SH3GL1: variants seen among roughly 807,000 people sequenced by gnomAD.
The protein encoded by SH3GL1 is SH3 domain containing GRB2 like 1, endophilin A2, also known as endophilin-A2.
In SH3GL1, 21 loss-of-function variants were observed where a neutral mutation model predicts 48.8. That is an observed-to-expected ratio of 0.43 (90% CI 0.30 to 0.62). The LOEUF (loss-of-function observed/expected upper bound fraction) is 0.62. Among genes scored for constraint, SH3GL1 ranks in the 20% least tolerant of loss-of-function variants. The pLI is 0.11. For missense variants in SH3GL1, 454 were observed against 503.0 expected (o/e 0.90, Z 0.93); for synonymous variants, 282 against 217.5 (o/e 1.30, Z -2.61).
chr19:4,364,916 A>ATATTTTTTTTTT (rs1450528018), intron 4 of SH3GL1, among the ~76,000 whole-genome samples: 1 of 116,212 alleles, frequency 8.6e-6, no homozygotes, highest in African/African-American at 3.8e-5. Flanking sequence ...ATATATATAT[A>ATATTTTTTTTTT]TTTTTTTTTT....
At position 4,360,496 on chromosome 19, in the gene SH3GL1, A is replaced by G. The variant is rs1206253566; in HGVS notation, c.*1104T>C. 3.0e-5 allele frequency: 7 copies of G among 232,874 alleles called. No homozygotes were observed. The highest frequency in any genetic ancestry group is 4.2e-5 in the Non-Finnish European group (5 of 117,960). The allele number at this position is 232,874 out of a possible 1,614,324, so 14.4% of individuals were successfully genotyped here. ...CATGTACTTCTGACGAGGGGGGTGC[A>G]GGGCAGGGCAGAGCAGAGCCTGGGG... is the stretch of plus-strand genomic sequence containing the variant. On this transcript the variant is annotated 3_prime_UTR_variant, in exon 10 of 10. Transcript: ENST00000269886.
At position 4,363,380 on chromosome 19, in the gene SH3GL1, GCTT is replaced by G. The variant is rs2144858293; in HGVS notation, c.715_717del (p.Lys239del). The G allele has an allele frequency of 6.2e-7, 1 of 1,604,606 alleles. No homozygotes were observed. The highest frequency in any genetic ancestry group is 8.5e-7 in the Non-Finnish European group (1 of 1,176,218). On this transcript the variant is annotated inframe_deletion, in exon 7 of 10. Coordinates refer to ENST00000269886, the MANE Select transcript of SH3GL1 (RefSeq NM_003025.4). Reference sequence around the variant, plus strand: ...AGGCCCTGGGCTCACCTGCGCTTGAGCTTCTCCGCCAGCTCGTCCAGGATCTGC... The same window carrying G: ...AGGCCCTGGGCTCACCTGCGCTTGAGCTCCGCCAGCTCGTCCAGGATCTGC...
chr19:4,382,288 C>T (rs1334427126), intron 1 of SH3GL1, among the ~76,000 whole-genome samples: 14 of 119,832 alleles, frequency 1.2e-4, no homozygotes, highest in Non-Finnish European at 2.0e-4. Context: ...GACGGAGTCT[C>T]GCTCTGTCAC....
intron 1 of SH3GL1, among the ~76,000 whole-genome samples, chr19:4,379,676 C>G (rs1973081527): frequency 6.6e-6 from 1 of 152,028 alleles, no homozygotes; most frequent in Admixed American, 6.6e-5. Context: ...ATGTCCCGCC[C>G]TCCCTGCACC....
intron 1 of SH3GL1, among the ~76,000 whole-genome samples, chr19:4,368,015 G>A (rs1972819606): frequency 6.6e-6 from 1 of 152,268 alleles, no homozygotes; most frequent in South Asian, 2.1e-4. Context: ...GCTTGGCCCT[G>A]CCCTCTGGGG....
Position 4,363,476 on chromosome 19 carries a change from G to T in SH3GL1, c.625-3C>A. The stretch of plus-strand genomic sequence containing the variant: ...GAGAGCTGACTCACCTGCTCGATCT[G>T]TGGGGACAGTAGGGCTCAGGGGCTC... On this transcript the variant is annotated splice_region_variant and splice_polypyrimidine_tract_variant and intron_variant, in intron 6 of 9. Transcript: ENST00000269886. 1 of 1,610,658 alleles carries T rather than the reference G, an allele frequency of 6.2e-7. No individual in the cohort carries two copies. Among genetic ancestry groups the T allele is most frequent in the Non-Finnish European group, 8.5e-7 (1 of 1,178,438 alleles).
intron 1 of SH3GL1, among the ~76,000 whole-genome samples, chr19:4,392,009 C>CCCTTCCT (rs1446550532): frequency 1.3e-5 from 2 of 152,248 alleles, no homozygotes; most frequent in Non-Finnish European, 2.9e-5. Context: ...AAAGCAAAGT[C>CCCTTCCT]CCTTCCTACA....
At chr19:4,369,764 C>T (rs1314613618) in intron 1 of SH3GL1, among the ~76,000 whole-genome samples, 1 of 152,384 alleles carries the variant, frequency 6.6e-6, no homozygotes, top group East Asian at 1.9e-4. Flanking sequence ...CCCTAACTAC[C>T]CGGGTCCCTC....
chr19:4,395,006 G>A (rs1419145927), intron 1 of SH3GL1, among the ~76,000 whole-genome samples: 5 of 152,270 alleles, frequency 3.3e-5, no homozygotes, highest in Non-Finnish European at 5.9e-5. Context: ...GGCTGACAGC[G>A]CTGATGGGCG....
chr19:4,380,884 G>A (rs144181333), intron 1 of SH3GL1, among the ~76,000 whole-genome samples: 1 of 152,276 alleles, frequency 6.6e-6, no homozygotes, highest in East Asian at 1.9e-4. Flanking sequence ...GTTCCACAGA[G>A]TGTCACAGCC....
At chr19:4,386,501 CTT>C (rs960946256) in intron 1 of SH3GL1, among the ~76,000 whole-genome samples, 4 of 130,796 alleles carry the variant, frequency 3.1e-5, no homozygotes, top group Admixed American at 7.6e-5. Context: ...TTCTTTTTCA[CTT>C]TTTTTTTTTT....
At chr19:4,382,846 C>T (rs1206419665) in intron 1 of SH3GL1, among the ~76,000 whole-genome samples, 2 of 152,214 alleles carry the variant, frequency 1.3e-5, no homozygotes, top group African/African-American at 4.8e-5. Flanking sequence ...AGGGGAAACA[C>T]ACAGCTAGGT....
rs770471197 is a variant in SH3GL1, at chr19:4,364,072, G to C, written c.465+16C>G. ...AGGGGGAAGGGACAGGCCCCAGGCTGGCGCAGGAGCAGCACCTGGATCTCC... is the reference window on the plus strand; with the variant it reads ...AGGGGGAAGGGACAGGCCCCAGGCTCGCGCAGGAGCAGCACCTGGATCTCC... On this transcript the variant is annotated intron_variant, in intron 5 of 9. Transcript: ENST00000269886. 2 of 1,611,816 alleles carry C rather than the reference G, an allele frequency of 1.2e-6. No homozygotes were observed. The highest frequency in any genetic ancestry group is 1.3e-5 in the African/African-American group (1 of 75,002).
Position 4,362,355 on chromosome 19 carries a change from G to A in SH3GL1, c.884C>T (p.Pro295Leu). ...CATGCTCCGGCTAGGGGTCCGGATG[G>A]GCTTGTCGGAAGATCGGAAAGACGA... Reference protein sequence around the residue: ...ASSSFRSSDKPIRTPSRSMPP... With the variant: ...ASSSFRSSDKLIRTPSRSMPP... The change falls in exon 9 of 10, where the codon CCC (proline) becomes CTC (leucine). Residue 295 changes from proline (P) to leucine (L), a missense_variant. Physicochemically the swap from Pro to Leu is moderately conservative, Grantham distance 98 (BLOSUM62 -3). This residue lies in a region of SH3GL1 where 278 missense variants were observed against 246.8 expected (regional missense o/e 1.13). Transcript: ENST00000269886. The A allele has an allele frequency of 6.2e-7, 1 of 1,612,340 alleles. No individual in the cohort carries two copies. The highest frequency in any genetic ancestry group is 8.5e-7 in the Non-Finnish European group (1 of 1,179,200).
In SH3GL1 at chr19:4,364,117, G is replaced by C. The variant is rs147973938; in HGVS notation, c.436C>G (p.Leu146Val). 1.9e-6 allele frequency: 3 copies of C among 1,613,562 alleles called. No homozygotes were observed. In the African/African-American group the frequency reaches 4.0e-5, roughly 22 times the overall value. Residue 146 changes from leucine (L) to valine (V), a missense_variant, in exon 5 of 10, where the codon CTG (leucine) becomes GTG (valine). Physicochemically the swap from Leu to Val is conservative, Grantham distance 32. Around this residue, in one of 2 missense-constraint regions of SH3GL1, gnomAD observed 176 missense variants for 256.2 expected, o/e 0.69. Coordinates refer to ENST00000269886, the MANE Select transcript of SH3GL1 (RefSeq NM_003025.4). ...ATCTCCTTCAGGTCTTTCTCGCACA[G>C]GTTCTGGAGGGGGTCAATGAAGTTC... is the stretch of plus-strand genomic sequence containing the variant. ...KQNFIDPLQN[L>V]CEKDLKEIQH...
rs2144852307 is a variant in SH3GL1 at position 4,361,525 on chromosome 19, T to G, written c.*75A>C. The G allele has an allele frequency of 8.4e-7, 1 of 1,183,898 alleles. No individual in the cohort carries two copies. Among genetic ancestry groups the G allele is most frequent in the Non-Finnish European group, 1.2e-6 (1 of 836,186 alleles). 73.3% of individuals were successfully genotyped at this position (1,183,898 alleles called of 1,614,324 possible). On this transcript the variant is annotated 3_prime_UTR_variant, in exon 10 of 10. Transcript: ENST00000269886. ...CAGACACCGCCCTGGCAGCAGGGGCTCCGTGGAATGCAGGAGACCCAGCAG... is the reference window on the plus strand; with the variant it reads ...CAGACACCGCCCTGGCAGCAGGGGCGCCGTGGAATGCAGGAGACCCAGCAG...
chr19:4,383,273 G>A (rs1973172033), intron 1 of SH3GL1, among the ~76,000 whole-genome samples: 1 of 151,036 alleles, frequency 6.6e-6, no homozygotes, highest in African/African-American at 2.4e-5. Flanking sequence ...AGAGTGCAGT[G>A]GCGTGATCAT....
chr19:4,361,370 C>A lies in SH3GL1; in HGVS notation c.*230G>T. 1 of 540,200 alleles carries A rather than the reference C, an allele frequency of 1.9e-6. No homozygotes were observed. Among genetic ancestry groups the A allele is most frequent in the Non-Finnish European group, 3.3e-6 (1 of 304,898 alleles). The allele number at this position is 540,200 out of a possible 1,614,324, so 33.5% of individuals were successfully genotyped here. The stretch of plus-strand genomic sequence containing the variant: ...GGCGCCATGGAGTGGGGAAGGGAGC[C>A]GTCACCGTTGGGAGTCAGCGCTAGT... On this transcript the variant is annotated 3_prime_UTR_variant, in exon 10 of 10. Transcript: ENST00000269886.
At chr19:4,368,080 G>C (rs538349337) in intron 1 of SH3GL1, among the ~76,000 whole-genome samples, 2 of 152,216 alleles carry the variant, frequency 1.3e-5, no homozygotes, top group East Asian at 3.9e-4. Flanking sequence ...TTAACATCCC[G>C]GGTCTGATCA....
Sources: allele counts gnomAD v4.1 joint callset (sites outside exome capture counted in the v4.1 genomes callset), GRCh38; gene constraint gnomAD v4.1.1; regional missense constraint gnomAD v4.1.1; transcripts MANE v1.5; gene names NCBI Gene and HGNC (gene_info 2026-07-23, HGNC 2026-07-21).